Variants in CLIP4 observed in about 807,000 individuals in gnomAD.
The protein encoded by CLIP4 is CAP-Gly domain containing linker protein family member 4.
CLIP4 carries 47 observed loss-of-function variants against 73.1 expected under a neutral mutation model. That is an observed-to-expected ratio of 0.64 (90% CI 0.51 to 0.82). CLIP4 has a LOEUF of 0.82. Ranked by LOEUF, CLIP4 falls within the 40% of genes least tolerant of loss-of-function variation. CLIP4 has a pLI of 0.00. For synonymous variants in CLIP4, 306 were observed against 295.4 expected (o/e 1.04, Z -0.37); for missense variants, 874 against 852.9 (o/e 1.02, Z -0.31).
Position 29,174,370 on chromosome 2 carries a change from T to C in CLIP4, c.1724-3T>C. On this transcript the variant is annotated splice_region_variant and splice_polypyrimidine_tract_variant and intron_variant, in intron 14 of 15. Coordinates refer to ENST00000320081, the MANE Select transcript of CLIP4 (RefSeq NM_024692.6). ...CTCTGCTAACCCCAACTTTCATATTTAGGTTTTAGGAGAAGTTTTAGCACA... is the reference window on the plus strand; with the variant it reads ...CTCTGCTAACCCCAACTTTCATATTCAGGTTTTAGGAGAAGTTTTAGCACA... 6.2e-7 allele frequency: 1 copy of C among 1,607,054 alleles called. No individual in the cohort carries two copies. Among genetic ancestry groups the C allele is most frequent in the Non-Finnish European group, 8.5e-7 (1 of 1,178,048 alleles).
intron 8 of CLIP4, among the ~76,000 whole-genome samples, chr2:29,151,643 C>G (rs998015804): frequency 6.6e-6 from 1 of 152,108 alleles, no homozygotes; most frequent in African/African-American, 2.4e-5. Context: ...ACAAAGCACT[C>G]ACTTCTTACA....
chr2:29,146,793 A>G (rs1184118675), intron 8 of CLIP4, among the ~76,000 whole-genome samples: 3 of 152,176 alleles, frequency 2.0e-5, no homozygotes, highest in Admixed American at 6.5e-5. Context: ...CTTCTGTGAA[A>G]TAGGGATGAC....
At chr2:29,119,125 T>G (rs1243564424) in intron 1 of CLIP4, among the ~76,000 whole-genome samples, 1 of 152,180 alleles carries the variant, frequency 6.6e-6, no homozygotes, top group Non-Finnish European at 1.5e-5. Context: ...AAAGACAAAA[T>G]ACAAAGAATG....
chr2:29,150,030 G>A (rs77490809), intron 8 of CLIP4, among the ~76,000 whole-genome samples: 2,867 of 151,986 alleles, frequency 0.019, 83 homozygotes, highest in African/African-American at 0.065. Context: ...TCTCCTTTTC[G>A]TCTTTTTGCC....
intron 12 of CLIP4, 23 bp from the exon 13 acceptor site, chr2:29,163,808 G>C: frequency 6.9e-6 from 11 of 1,604,002 alleles, no homozygotes; most frequent in Non-Finnish European, 9.4e-6. Context: ...AGATGCTTTT[G>C]AAATGCAATA....
intron 2 of CLIP4, among the ~76,000 whole-genome samples, chr2:29,128,597 A>G (rs1439222449): frequency 6.6e-6 from 1 of 152,144 alleles, no homozygotes; most frequent in Non-Finnish European, 1.5e-5. Context: ...ACAATCTCCC[A>G]TCAAGAGCAG....
chr2:29,140,183 C>G (rs576884685), intron 6 of CLIP4, among the ~76,000 whole-genome samples: 2 of 152,192 alleles, frequency 1.3e-5, no homozygotes, highest in African/African-American at 4.8e-5. Flanking sequence ...CACCCATTAA[C>G]TCGTCGTTTA....
upstream of CLIP4, among the ~76,000 whole-genome samples, chr2:29,111,068 TAGAAC>T (rs1668375457): frequency 6.6e-6 from 1 of 152,210 alleles, no homozygotes; most frequent in African/African-American, 2.4e-5. Flanking sequence ...AAGGTGCTTA[TAGAAC>T]CACTGTAAGG....
intron 9 of CLIP4, 94 bp downstream of exon 9, chr2:29,152,922 G>A (rs1666675410): frequency 7.2e-7 from 1 of 1,384,588 alleles, no homozygotes; most frequent in Non-Finnish European, 9.9e-7. Context: ...TTTTTTGTTA[G>A]CCAACTCTGA....
rs1381964948 is a variant in CLIP4, at chr2:29,181,998, A to G, written c.*105A>G. On this transcript the variant is annotated 3_prime_UTR_variant, in exon 16 of 16. Coordinates refer to ENST00000320081, the MANE Select transcript of CLIP4 (RefSeq NM_024692.6). Reference sequence around the variant, plus strand: ...AGCCATATTAAAATTTTGAAAATATAGTTATCTTCTTAAAAACCATTATAA... The same window carrying G: ...AGCCATATTAAAATTTTGAAAATATGGTTATCTTCTTAAAAACCATTATAA... The G allele has an allele frequency of 1.1e-6, 1 of 941,186 alleles. No individual in the cohort carries two copies. Among genetic ancestry groups the G allele is most frequent in the African/African-American group, 1.7e-5 (1 of 59,866 alleles). 58.3% of individuals were successfully genotyped at this position (941,186 alleles called of 1,614,324 possible).
At chr2:29,101,975 G>A (rs1668064069) in intron 1 of CLIP4, among the ~76,000 whole-genome samples, 1 of 152,144 alleles carries the variant, frequency 6.6e-6, no homozygotes, top group Non-Finnish European at 1.5e-5. Context: ...CACATAGGAG[G>A]AAAGCAAACA....
chr2:29,171,330 C>T (rs1157507790), intron 14 of CLIP4, among the ~76,000 whole-genome samples: 2 of 151,928 alleles, frequency 1.3e-5, no homozygotes, highest in African/African-American at 4.8e-5. Context: ...TAGATTTATA[C>T]CTATGTATTT....
intron 2 of CLIP4, among the ~76,000 whole-genome samples, chr2:29,123,247 C>T (rs563821887): frequency 1.3e-5 from 2 of 152,250 alleles, no homozygotes; most frequent in East Asian, 1.9e-4. Context: ...CCCTTTTCAT[C>T]GTAGCTGCTT....
At chr2:29,110,466 T>G (rs975759414), upstream of CLIP4, among the ~76,000 whole-genome samples, 4 of 152,176 alleles carry the variant, frequency 2.6e-5, no homozygotes, top group African/African-American at 9.7e-5. Context: ...TCCAAAAATA[T>G]GATAGGAAGA....
At chr2:29,104,691 C>A (rs1194121637) in intron 1 of CLIP4, among the ~76,000 whole-genome samples, 2 of 152,124 alleles carry the variant, frequency 1.3e-5, no homozygotes, top group Non-Finnish European at 2.9e-5. Flanking sequence ...GAAGCCTTTG[C>A]AATAGAGGCA....
chr2:29,146,857 C>T (rs1002140750), intron 8 of CLIP4, among the ~76,000 whole-genome samples: 2 of 152,264 alleles, frequency 1.3e-5, no homozygotes, highest in South Asian at 4.1e-4. Flanking sequence ...GTATAAAGCA[C>T]CTAGAACAGT....
At chr2:29,139,465 G>C (rs1361870455) in intron 6 of CLIP4, among the ~76,000 whole-genome samples, 2 of 152,118 alleles carry the variant, frequency 1.3e-5, no homozygotes, top group African/African-American at 4.8e-5. Context: ...GTCTTTGCCA[G>C]ATTTTGGTAT....
At chr2:29,159,915 G>A (rs1667179532) in intron 11 of CLIP4, among the ~76,000 whole-genome samples, 1 of 152,194 alleles carries the variant, frequency 6.6e-6, no homozygotes, top group Non-Finnish European at 1.5e-5. Context: ...CTTTCATGCT[G>A]CAACAGCAGA....
At chr2:29,130,982 T>C in intron 2 of CLIP4, 1 of 1,117,424 alleles carries the variant, frequency 8.9e-7, no homozygotes, top group Non-Finnish European at 1.2e-6. Flanking sequence ...TTACTAGCTG[T>C]GCGATGTTGA....
Sources: gnomAD v4.1 joint callset for allele counts (sites outside exome capture counted in the v4.1 genomes callset) on GRCh38, gnomAD v4.1.1 for gene constraint, MANE v1.5 for transcripts, NCBI Gene and HGNC (gene_info 2026-07-23, HGNC 2026-07-21) for gene names.